PLB1: variants seen among roughly 807,000 people sequenced by gnomAD.
The protein encoded by PLB1 is phospholipase B1.
In PLB1, 242 loss-of-function variants were observed where a neutral mutation model predicts 227.4. That is an observed-to-expected ratio of 1.06 (90% CI 0.96 to 1.18). PLB1 has a LOEUF of 1.18. PLB1 is among the 50% of genes most tolerant of loss of function. The pLI, the probability that PLB1 is intolerant of heterozygous loss-of-function variation, is 0.00. For missense variants in PLB1, 1,858 were observed against 1,816.3 expected (o/e 1.02, Z -0.42); for synonymous variants, 757 against 682.2 (o/e 1.11, Z -1.71).
At chr2:28,581,952 TC>T in intron 23 of PLB1, 115 bp from the exon 24 acceptor site, 1 of 909,882 alleles carries the variant, frequency 1.1e-6, no homozygotes, top group Non-Finnish European at 1.7e-6. Context: ...CAGAGTGAGA[TC>T]CTATCTCAAA....
At chr2:28,623,260 A>G (rs1162700231) in intron 49 of PLB1, among the ~76,000 whole-genome samples, 4 of 152,206 alleles carry the variant, frequency 2.6e-5, no homozygotes, top group Admixed American at 6.5e-5. Flanking sequence ...TCCCTGGGGT[A>G]AAAAAGGAAA....
At chr2:28,591,202 C>G in intron 30 of PLB1, 31 bp downstream of exon 30, 1 of 1,613,412 alleles carries the variant, frequency 6.2e-7, no homozygotes, top group Non-Finnish European at 8.5e-7. Flanking sequence ...CTTGACTCAC[C>G]AGGCAATGCA....
chr2:28,613,403 C>T (rs538707206), intron 43 of PLB1, among the ~76,000 whole-genome samples: 2 of 152,312 alleles, frequency 1.3e-5, no homozygotes, highest in East Asian at 3.9e-4. Context: ...TTAGCTTTCT[C>T]CCCATTTCTT....
chr2:28,623,588 G>T (rs1687333526), intron 49 of PLB1, among the ~76,000 whole-genome samples: 1 of 152,134 alleles, frequency 6.6e-6, no homozygotes, highest in African/African-American at 2.4e-5. Flanking sequence ...GAGAAACAAG[G>T]GTAGGGATGG....
At chr2:28,556,341 C>T (rs779751402) in intron 17 of PLB1, among the ~76,000 whole-genome samples, 3 of 152,084 alleles carry the variant, frequency 2.0e-5, no homozygotes, top group Non-Finnish European at 4.4e-5. Context: ...CTTCAGAGCT[C>T]GTGAGTGATG....
In PLB1 at chr2:28,598,605, G is replaced by C. The variant is rs140828676; in HGVS notation, c.2366-47G>C. On this transcript the variant is annotated intron_variant, in intron 34 of 57. Transcript: ENST00000327757. ...CCCACAGTACCAGAGAAGCTATTCTGGCTTTCTGTTCTGAGCCGTCTGCAT... is the reference window on the plus strand; with the variant it reads ...CCCACAGTACCAGAGAAGCTATTCTCGCTTTCTGTTCTGAGCCGTCTGCAT... 1.4e-3 allele frequency: 2,075 copies of C among 1,462,682 alleles called. 4 individuals carry two copies. Among genetic ancestry groups the C allele is most frequent in the Non-Finnish European group, 1.8e-3 (1,863 of 1,042,058 alleles). The allele number at this position is 1,462,682 out of a possible 1,614,324, so 90.6% of individuals were successfully genotyped here. A position where few individuals can be genotyped will look rare whatever the true frequency, so the allele number is the denominator to read the frequency against.
intron 5 of PLB1, 58 bp downstream of exon 5, chr2:28,525,365 C>A: frequency 6.5e-7 from 1 of 1,547,678 alleles, no homozygotes; most frequent in Non-Finnish European, 8.9e-7. Flanking sequence ...CCCATCTAAT[C>A]TTCTTGCCTT....
chr2:28,643,161 G>A lies in PLB1; in HGVS notation c.*100G>A. ...CCACCAGGACATGCTTCAATGCCTG[G>A]TGCCATAGGAAGCCCAGGGGACAGT... On this transcript the variant is annotated 3_prime_UTR_variant, in exon 58 of 58. Transcript: ENST00000327757. 1 of 1,229,626 alleles carries A rather than the reference G, an allele frequency of 8.1e-7. No individual in the cohort carries two copies. Among genetic ancestry groups the A allele is most frequent in the Non-Finnish European group, 1.1e-6 (1 of 901,700 alleles). The allele number at this position is 1,229,626 out of a possible 1,614,324, so 76.2% of individuals were successfully genotyped here. A position where few individuals can be genotyped will look rare whatever the true frequency, so the allele number is the denominator to read the frequency against.
rs1465407823 is a variant in PLB1 at position 28,604,737 on chromosome 2, A to G, written c.2939A>G (p.Asn980Ser). The part of the protein sequence containing the change: ...FSVVLQPFFQ[N>S]IQLPVLADGL... ...GTGGTGCTGCAGCCCTTCTTCCAGA[A>G]CATCCAGCTCCCTGTCCTGGCGGTA... Residue 980 changes from asparagine to serine, a missense_variant, in exon 41 of 58, where the codon AAC (asparagine) becomes AGC (serine). Physicochemically the swap from Asn to Ser is conservative, Grantham distance 46. Coordinates refer to ENST00000327757, the MANE Select transcript of PLB1 (RefSeq NM_153021.5). The G allele has an allele frequency of 3.1e-6, 5 of 1,614,142 alleles. No individual in the cohort carries two copies. In the South Asian group the frequency reaches 5.5e-5, roughly 18 times the overall value.
chr2:28,567,638 T>A (rs1677254879), intron 20 of PLB1, among the ~76,000 whole-genome samples: 1 of 151,974 alleles, frequency 6.6e-6, no homozygotes, highest in Admixed American at 6.6e-5. Context: ...CACACCCAGC[T>A]AATTTTTGTA....
In PLB1 at chr2:28,644,033, C is replaced by T. The variant is rs544271830; in HGVS notation, c.*972C>T. 2.6e-5 allele frequency among the ~76,000 whole-genome samples: 4 copies of T among 152,182 alleles called. No individual in the cohort carries two copies. Among genetic ancestry groups the T allele is most frequent in the Admixed American group, 2.0e-4 (3 of 15,268 alleles). On this transcript the variant is annotated 3_prime_UTR_variant, in exon 58 of 58. Transcript: ENST00000327757. Reference sequence around the variant, plus strand: ...TCTTTGAAAATAGAAGTGATGCTTGCGCAACACCGTGAATGTACTAAACGC... The same window carrying T: ...TCTTTGAAAATAGAAGTGATGCTTGTGCAACACCGTGAATGTACTAAACGC...
rs1296905062 is a variant in PLB1, at chr2:28,598,666, T to C, written c.2380T>C (p.Phe794Leu). The C allele has an allele frequency of 6.2e-7, 1 of 1,613,814 alleles. No homozygotes were observed. The highest frequency in any genetic ancestry group is 8.5e-7 in the Non-Finnish European group (1 of 1,179,728). Reference protein sequence around the residue: ...VTTLPNILREFNRNLTGYAVG... With the variant: ...VTTLPNILRELNRNLTGYAVG... Reference sequence around the variant, plus strand: ...TTCTCTTCCAGATATCCTTCGGGAGTTTAACAGAAACCTCACAGGCTACGC... The same window carrying C: ...TTCTCTTCCAGATATCCTTCGGGAGCTTAACAGAAACCTCACAGGCTACGC... The change falls in exon 35 of 58, where the codon TTT becomes CTT. Residue 794 changes from phenylalanine (F) to leucine (L), a missense_variant. Physicochemically the swap from Phe to Leu is conservative, Grantham distance 22. Coordinates refer to ENST00000327757, the MANE Select transcript of PLB1 (RefSeq NM_153021.5).
In PLB1 at chr2:28,630,733, C is replaced by T. The variant is rs1008003325; in HGVS notation, c.3897+69C>T. The T allele has an allele frequency of 4.1e-5, 54 of 1,329,872 alleles. No individual in the cohort carries two copies. In the African/African-American group the frequency reaches 5.3e-4, roughly 13 times the overall value. 82.4% of individuals were successfully genotyped at this position (1,329,872 alleles called of 1,614,324 possible). On this transcript the variant is annotated intron_variant, in intron 54 of 57. Coordinates refer to ENST00000327757, the MANE Select transcript of PLB1 (RefSeq NM_153021.5). ...CCCTGTACTCCAAGGACTGGGAAATCGAATGCCCAGCAGGATGTGGCCAAG... is the reference window on the plus strand; with the variant it reads ...CCCTGTACTCCAAGGACTGGGAAATTGAATGCCCAGCAGGATGTGGCCAAG...
intron 37 of PLB1, 50 bp downstream of exon 37, chr2:28,601,382 T>C: frequency 1.3e-6 from 2 of 1,521,970 alleles, no homozygotes; most frequent in Non-Finnish European, 1.8e-6. Flanking sequence ...CTTTGCCCAG[T>C]AGGCGTTGGA....
chr2:28,609,832 A>T (rs1685193011), intron 43 of PLB1, among the ~76,000 whole-genome samples: 1 of 152,166 alleles, frequency 6.6e-6, no homozygotes, highest in Non-Finnish European at 1.5e-5. Context: ...AGTCCTCCAG[A>T]ATCTAATAGG....
intron 56 of PLB1, among the ~76,000 whole-genome samples, chr2:28,636,811 T>A (rs1689413117): frequency 6.6e-6 from 1 of 152,192 alleles, no homozygotes; most frequent in East Asian, 1.9e-4. Context: ...CATATGGGGT[T>A]AGACGTCAGC....
At chr2:28,606,050 G>T in intron 42 of PLB1, 102 bp downstream of exon 42, 1 of 903,920 alleles carries the variant, frequency 1.1e-6, no homozygotes, top group Non-Finnish European at 1.8e-6. Flanking sequence ...AGGGGGCAGT[G>T]GCTGGTACAT....
intron 54 of PLB1, 135 bp from the exon 55 acceptor site, chr2:28,631,901 C>T (rs1055667342): frequency 3.0e-5 from 21 of 688,576 alleles, no homozygotes; most frequent in Non-Finnish European, 5.4e-5. Context: ...TTGCATCCCA[C>T]TAGAGTAGCC....
chr2:28,604,686 G>A lies in PLB1; in HGVS notation c.2888G>A (p.Arg963His), dbSNP rs1446262042. 13 of 1,614,028 alleles carry A rather than the reference G, an allele frequency of 8.1e-6. No homozygotes were observed. Among genetic ancestry groups the A allele is most frequent in the South Asian group, 1.1e-5 (1 of 91,074 alleles). Residue 963 changes from arginine to histidine, a missense_variant, in exon 41 of 58, where the codon CGC becomes CAC. Arg to His is a conservative substitution (Grantham distance 29, BLOSUM62 0). Transcript: ENST00000327757. ...ATGCGCGAGCTGGTGGGGTCAGGCCGCTATGACACGCAGGAGGACTTCTCT... is the reference window on the plus strand; with the variant it reads ...ATGCGCGAGCTGGTGGGGTCAGGCCACTATGACACGCAGGAGGACTTCTCT... ...SSMRELVGSG[R>H]YDTQEDFSVV...
Sources: gnomAD v4.1 joint callset for allele counts (sites outside exome capture counted in the v4.1 genomes callset) on GRCh38, gnomAD v4.1.1 for gene constraint, MANE v1.5 for transcripts, NCBI Gene and HGNC (gene_info 2026-07-23, HGNC 2026-07-21) for gene names.